The following DRD3 variants were observed in gnomAD, a reference collection of about 807,000 sequenced individuals.
DRD3 encodes dopamine receptor D3.
DRD3 carries 19 observed loss-of-function variants against 36.3 expected under a neutral mutation model. The ratio of observed to expected loss-of-function variants is 0.52; its 90% CI spans 0.36 to 0.77. The LOEUF is 0.77. Among genes scored for constraint, DRD3 ranks in the 30% least tolerant of loss-of-function variants. The probability of loss-of-function intolerance (pLI) is 0.00; values close to 1 mark genes in which losing one functional copy is unlikely to be tolerated. For missense variants in DRD3, 465 were observed against 505.3 expected (o/e 0.92, Z 0.77); for synonymous variants, 195 against 203.7 (o/e 0.96, Z 0.36).
chr3:114,129,115 G>T (rs555301065), intron 6 of DRD3, among the ~76,000 whole-genome samples: 509 of 152,230 alleles, frequency 3.3e-3, no homozygotes, highest in Non-Finnish European at 5.3e-3. Context: ...GGCCGAGGCG[G>T]GTGGATCACC....
Position 114,171,711 on chromosome 3 carries a change from A to G in DRD3, c.270+12T>C. The G allele has an allele frequency of 6.3e-7, 1 of 1,579,406 alleles. No homozygotes were observed. Among genetic ancestry groups the G allele is most frequent in the South Asian group, 1.2e-5 (1 of 84,512 alleles). On this transcript the variant is annotated intron_variant, in intron 2 of 6. Coordinates refer to ENST00000383673, the MANE Select transcript of DRD3 (RefSeq NM_000796.6). Reference sequence around the variant, plus strand: ...CAGTCATAGAGACAACATGCACCTGAAGTCTACTCACCTCCAGGTATACCA... The same window carrying G: ...CAGTCATAGAGACAACATGCACCTGGAGTCTACTCACCTCCAGGTATACCA...
Position 114,171,926 on chromosome 3 carries a change from C to A in DRD3, c.67G>T (p.Ala23Ser). The A allele has an allele frequency of 1.3e-6, 2 of 1,596,956 alleles. No homozygotes were observed. The highest frequency in any genetic ancestry group is 1.7e-6 in the Non-Finnish European group (2 of 1,171,710). The stretch of plus-strand genomic sequence containing the variant: ...TAGGCATGTGGGCGGGCCTGGCTGG[C>A]ACCTGTGGAGTTCTCTGCCCCACAG... The part of the protein sequence containing the change: ...YTCGAENSTG[A>S]SQARPHAYYA... The change falls in exon 2 of 7, where the codon GCC becomes TCC. Residue 23 changes from alanine to serine, a missense_variant. Transcript: ENST00000383673.
intron 3 of DRD3, among the ~76,000 whole-genome samples, chr3:114,156,775 C>CTTTCTTTCTTTCTT (rs1559991097): frequency 1.0e-5 from 1 of 99,778 alleles, no homozygotes; most frequent in African/African-American, 3.6e-5. Context: ...TTCTTTCTTT[C>CTTTCTTTCTTTCTT]TTTCTTTCTT....
intron 1 of DRD3, among the ~76,000 whole-genome samples, chr3:114,172,392 A>C (rs1490425586): frequency 6.6e-6 from 1 of 152,214 alleles, no homozygotes. Flanking sequence ...AGAAATCAGC[A>C]ATTGAGTCTT....
At chr3:114,176,598 C>T (rs2077901614) in intron 1 of DRD3, among the ~76,000 whole-genome samples, 1 of 152,110 alleles carries the variant, frequency 6.6e-6, no homozygotes, top group Non-Finnish European at 1.5e-5. Flanking sequence ...GAGCAAGATC[C>T]TGTCTCAAAG....
At chr3:114,195,957 T>C (rs2078033926) in intron 1 of DRD3, among the ~76,000 whole-genome samples, 3 of 152,174 alleles carry the variant, frequency 2.0e-5, no homozygotes, top group African/African-American at 7.2e-5. Flanking sequence ...TGTGCAACTT[T>C]AGGCTGTATA....
chr3:114,170,314 A>C (rs1183455146), intron 2 of DRD3, among the ~76,000 whole-genome samples: 1 of 152,242 alleles, frequency 6.6e-6, no homozygotes, highest in African/African-American at 2.4e-5. Context: ...TCATTTCATC[A>C]TTCATATATC....
intron 3 of DRD3, among the ~76,000 whole-genome samples, chr3:114,153,150 C>G (rs2077634410): frequency 6.6e-6 from 1 of 152,194 alleles, no homozygotes; most frequent in Admixed American, 6.5e-5. Context: ...ACTGTGTAGC[C>G]ATGGGCCAGT....
At position 114,192,292 on chromosome 3, in the gene DRD3, T is replaced by C. The variant is rs1166742558; in HGVS notation, c.-156+6981A>G. ...TTGCTTCTTGGATTGTCACTGAAGATAGCAGTCTGGCTCCCTGCAAGTCTG... is the reference window on the plus strand; with the variant it reads ...TTGCTTCTTGGATTGTCACTGAAGACAGCAGTCTGGCTCCCTGCAAGTCTG... On this transcript the variant is annotated intron_variant, in intron 1 of 7. Transcript: ENST00000460779. 2.6e-5 allele frequency among the ~76,000 whole-genome samples: 4 copies of C among 152,166 alleles called. No homozygotes were observed. In the South Asian group the frequency reaches 8.3e-4, roughly 32 times the overall value.
rs200127234 is a variant in DRD3, at chr3:114,186,215, T to A, written c.-155-7439A>T. Among the ~76,000 whole-genome samples the A allele has an allele frequency of 4.0e-4, 61 of 152,338 alleles. 1 individual carries two copies. The East Asian group carries it at 9.1e-3, about 23-fold the overall frequency. On this transcript the variant is annotated intron_variant, in intron 1 of 7. Transcript: ENST00000460779. ...AAATAGAAAAATAAAGGTAGATTTT[T>A]AAAAAATGGAAGCGATTCTCCTGCC...
chr3:114,183,541 A>G (rs1464988313), upstream of DRD3, among the ~76,000 whole-genome samples: 1 of 152,142 alleles, frequency 6.6e-6, no homozygotes, highest in African/African-American at 2.4e-5. Context: ...TCCAACTATT[A>G]ATGTAGAATT....
At chr3:114,149,854 T>C (rs1253348762) in intron 3 of DRD3, among the ~76,000 whole-genome samples, 1 of 152,162 alleles carries the variant, frequency 6.6e-6, no homozygotes, top group Non-Finnish European at 1.5e-5. Context: ...AACTGAATAC[T>C]CCTAACAACC....
chr3:114,139,796 CT>C, intron 4 of DRD3, 100 bp from the exon 5 acceptor site: 2 of 1,127,000 alleles, frequency 1.8e-6, no homozygotes, highest in Non-Finnish European at 2.6e-6. Flanking sequence ...CCTGCACTTT[CT>C]GCTGCACAGG....
chr3:114,173,120 G>A (rs534154466), intron 1 of DRD3, among the ~76,000 whole-genome samples: 84 of 152,178 alleles, frequency 5.5e-4, no homozygotes, highest in African/African-American at 2.0e-3. Flanking sequence ...CAGAGAGCTA[G>A]CTAATCTCTT....
intron 4 of DRD3, 108 bp downstream of exon 4, chr3:114,147,307 G>T: frequency 7.1e-7 from 1 of 1,401,784 alleles, no homozygotes; most frequent in Non-Finnish European, 9.7e-7. Context: ...TAATTGCAAA[G>T]TACACTGACC....
intron 1 of DRD3, among the ~76,000 whole-genome samples, chr3:114,194,291 T>C (rs1362260222): frequency 6.6e-6 from 1 of 152,112 alleles, no homozygotes; most frequent in Admixed American, 6.6e-5. Flanking sequence ...TTTGTTTGTT[T>C]TTGTTTTTTG....
chr3:114,167,996 G>C (rs994654864), intron 2 of DRD3, among the ~76,000 whole-genome samples: 3 of 152,194 alleles, frequency 2.0e-5, no homozygotes, highest in African/African-American at 7.2e-5. Flanking sequence ...GAACTGTAGG[G>C]AAATGGAGCT....
In DRD3 at chr3:114,147,536, G is replaced by A. The variant is rs199529083; in HGVS notation, c.405C>T (p.Pro135=). The A allele has an allele frequency of 6.4e-5, 104 of 1,613,628 alleles. No homozygotes were observed. The highest frequency in any genetic ancestry group is 1.6e-4 in the Middle Eastern group (1 of 6,080). The change falls in exon 4 of 7, where the codon CCC becomes CCT. Residue 135 remains proline, a synonymous_variant. Coordinates refer to ENST00000383673, the MANE Select transcript of DRD3 (RefSeq NM_000796.6). ...SIDRYTAVVM[P]VHYQHGTGQS... ...GTCCCGTGCCATGCTGGTAGTGAAC[G>A]GGCATGACCACTGCAGTGTACCTGA...
At chr3:114,159,274 C>G (rs1382981013) in intron 3 of DRD3, among the ~76,000 whole-genome samples, 2 of 151,924 alleles carry the variant, frequency 1.3e-5, no homozygotes, top group Admixed American at 1.3e-4. Context: ...CTTTCTCCCC[C>G]ACTTCTCTCC....
Sources: allele counts gnomAD v4.1 joint callset (sites outside exome capture counted in the v4.1 genomes callset), GRCh38; gene constraint gnomAD v4.1.1; transcripts MANE v1.5; gene names NCBI Gene and HGNC (gene_info 2026-07-23, HGNC 2026-07-21).